Variants in GRIP2 observed in about 807,000 individuals in gnomAD.
GRIP2 encodes glutamate receptor-interacting protein 2.
A neutral mutation model predicts 108.3 loss-of-function variants in GRIP2; 58 were observed. That is an observed-to-expected ratio of 0.54 (90% CI 0.43 to 0.67). The LOEUF (loss-of-function observed/expected upper bound fraction) is 0.67, where lower values mean the gene tolerates loss of function less well. GRIP2 is among the 30% of genes least tolerant of loss of function. GRIP2 has a pLI of 0.00. For missense variants in GRIP2, 1,278 were observed against 1,430.6 expected (o/e 0.89, Z 1.72); for synonymous variants, 586 against 598.2 (o/e 0.98, Z 0.30).
chr3:14,509,942 G>A lies in GRIP2; in HGVS notation c.1956C>T (p.Ala652=), dbSNP rs776028978. The A allele has an allele frequency of 1.6e-5, 24 of 1,528,972 alleles. No individual in the cohort carries two copies. Among genetic ancestry groups the A allele is most frequent in the South Asian group, 7.7e-5 (6 of 77,570 alleles). The allele number at this position is 1,528,972 out of a possible 1,614,324, so 94.7% of individuals were successfully genotyped here. ...DNSDELETTG[A]VSYTVELKRY... ...GCTTCAGCTCCACTGTGTAACTGACGGCACCTGTGGTCTCCAGCTCATCTG... is the reference window on the plus strand; with the variant it reads ...GCTTCAGCTCCACTGTGTAACTGACAGCACCTGTGGTCTCCAGCTCATCTG... Residue 652 remains alanine (A), a synonymous_variant, in exon 17 of 24, where the codon GCC becomes GCT. Coordinates refer to ENST00000621039, the MANE Select transcript of GRIP2 (RefSeq NM_001080423.4).
At chr3:14,584,683 G>A in the GRIP2 span, among the ~76,000 whole-genome samples, 10 of 152,248 alleles carry the variant, frequency 6.6e-5, no homozygotes, top group South Asian at 1.0e-3. Context: ...GCCATAACTT[G>A]CCCAGGCTCG....
the GRIP2 span, among the ~76,000 whole-genome samples, chr3:14,578,156 G>A: frequency 6.6e-6 from 1 of 152,338 alleles, no homozygotes; most frequent in East Asian, 1.9e-4. Flanking sequence ...AAGAACTGTG[G>A]TGATCGATAA....
At chr3:14,518,391 A>G (rs1217941178) in intron 9 of GRIP2, among the ~76,000 whole-genome samples, 1 of 152,170 alleles carries the variant, frequency 6.6e-6, no homozygotes, top group Non-Finnish European at 1.5e-5. Context: ...ACTCTCCAGG[A>G]CAGCCTTTGC....
the GRIP2 span, among the ~76,000 whole-genome samples, chr3:14,600,217 A>C: frequency 6.6e-6 from 1 of 152,206 alleles, no homozygotes; most frequent in African/African-American, 2.4e-5. Context: ...CCAACAATGC[A>C]TCAGATCATT....
Position 14,517,146 on chromosome 3 carries a change from G to C in GRIP2, c.1224C>G (p.Thr408=). Residue 408 remains threonine (T), a synonymous_variant, in exon 11 of 24, where the codon ACC becomes ACG. Coordinates refer to ENST00000621039, the MANE Select transcript of GRIP2 (RefSeq NM_001080423.4). The part of the protein sequence containing the change: ...NHAFSCNNPS[T]LPRGSQPMSP... ...TCATGGGCTGGGATCCACGGGGAAG[G>C]GTGCTGGGGTTGTTGCAGGAAAAGG... The C allele has an allele frequency of 6.2e-7, 1 of 1,610,128 alleles. No individual in the cohort carries two copies. The highest frequency in any genetic ancestry group is 1.1e-5 in the South Asian group (1 of 90,494).
chr3:14,530,633 G>T (rs545845362), intron 1 of GRIP2, among the ~76,000 whole-genome samples: 12 of 152,074 alleles, frequency 7.9e-5, no homozygotes, highest in Non-Finnish European at 1.8e-4. Context: ...TACAGAAATT[G>T]GATTGTTTTT....
intron 20 of GRIP2, among the ~76,000 whole-genome samples, chr3:14,504,368 G>A (rs909607197): frequency 6.9e-6 from 1 of 144,620 alleles, no homozygotes; most frequent in Non-Finnish European, 1.5e-5. Flanking sequence ...CTGGAGTGCA[G>A]TGGCATGATC....
chr3:14,511,178 G>C lies in GRIP2; in HGVS notation c.1920C>G (p.Asp640Glu). The change falls in exon 16 of 24, where the codon GAC becomes GAG. Residue 640 changes from aspartate (D) to glutamate (E), a missense_variant. Asp to Glu is a conservative substitution (Grantham distance 45, BLOSUM62 2). Transcript: ENST00000621039. This position sits in a 1 kb window ranked among gnomAD's most constrained non-coding sequence, Gnocchi z 4.1. ...EDLVKLKIRK[D>E]EDNSDELETT... ...TGAGGGCCATACCAGAGTTGTCCTCGTCCTTCCGGATCTTCAGCTTCACCA... is the reference window on the plus strand; with the variant it reads ...TGAGGGCCATACCAGAGTTGTCCTCCTCCTTCCGGATCTTCAGCTTCACCA... 1 of 1,613,920 alleles carries C rather than the reference G, an allele frequency of 6.2e-7. No homozygotes were observed. The highest frequency in any genetic ancestry group is 8.5e-7 in the Non-Finnish European group (1 of 1,179,884).
intron 1 of GRIP2, among the ~76,000 whole-genome samples, chr3:14,538,661 A>G (rs987675401): frequency 6.6e-6 from 1 of 152,214 alleles, no homozygotes; most frequent in Admixed American, 6.5e-5. Context: ...GAGGAGACCT[A>G]GGGTGGAGGC....
rs1163303840 is a variant in GRIP2, at chr3:14,492,050, G to A, written c.*1615C>T. On this transcript the variant is annotated 3_prime_UTR_variant, in exon 24 of 24. Transcript: ENST00000621039. ...AGGCAGGCCTCCAGGAGACAGCGTG[G>A]GCAGGTCCCCAAGGGGGCCTTGGTG... 6.6e-6 allele frequency: 1 copy of A among 152,358 alleles called. No individual in the cohort carries two copies. Among genetic ancestry groups the A allele is most frequent in the East Asian group, 1.9e-4 (1 of 5,196 alleles). 9.4% of individuals were successfully genotyped at this position (152,358 alleles called of 1,614,324 possible).
At chr3:14,594,898 G>T in the GRIP2 span, among the ~76,000 whole-genome samples, 5 of 143,698 alleles carry the variant, frequency 3.5e-5, no homozygotes, top group Non-Finnish European at 7.9e-5. Context: ...ATAATGGTTA[G>T]CTGTTATTAT....
At chr3:14,567,910 C>G in the GRIP2 span, among the ~76,000 whole-genome samples, 1 of 152,160 alleles carries the variant, frequency 6.6e-6, no homozygotes, top group Admixed American at 6.5e-5. Context: ...TCTCTGTGAT[C>G]AAGTCTTCAC....
Position 14,554,859 on chromosome 3 carries a change from T to C in GRIP2, c.55+1041A>G, listed in dbSNP as rs546432871. On this transcript the variant is annotated intron_variant, in intron 1 of 23. Coordinates refer to the GRIP2 transcript ENST00000637182. ...TGGGACCAGCCTTGCAGGGCCACTG[T>C]GAGGAATGAATGAGTGAATGTACTG... 5.9e-5 allele frequency among the ~76,000 whole-genome samples: 9 copies of C among 152,288 alleles called. No homozygotes were observed. In the South Asian group the frequency reaches 1.7e-3, roughly 28 times the overall value.
At chr3:14,587,520 T>C in the GRIP2 span, among the ~76,000 whole-genome samples, 5 of 151,814 alleles carry the variant, frequency 3.3e-5, no homozygotes, top group Non-Finnish European at 7.4e-5. Flanking sequence ...GCACCTGTAG[T>C]CCCAGCTACT....
At chr3:14,496,852 T>C (rs1056989973) in intron 21 of GRIP2, among the ~76,000 whole-genome samples, 1 of 152,184 alleles carries the variant, frequency 6.6e-6, no homozygotes, top group African/African-American at 2.4e-5. Context: ...TACAGTACAA[T>C]GATGCAAGTA....
chr3:14,559,044 A>G (rs1695279946), upstream of GRIP2, among the ~76,000 whole-genome samples: 1 of 152,172 alleles, frequency 6.6e-6, no homozygotes, highest in African/African-American at 2.4e-5. Flanking sequence ...GGAGTGTTTA[A>G]TGGTGTGGGC....
intron 11 of GRIP2, among the ~76,000 whole-genome samples, chr3:14,516,011 T>A (rs1694237981): frequency 6.6e-6 from 1 of 152,124 alleles, no homozygotes; most frequent in South Asian, 2.1e-4. Context: ...TATAATTAAT[T>A]AATAAATTAC....
the GRIP2 span, among the ~76,000 whole-genome samples, chr3:14,595,491 C>A: frequency 6.6e-6 from 1 of 152,204 alleles, no homozygotes; most frequent in Non-Finnish European, 1.5e-5. Flanking sequence ...ATTAGACGCA[C>A]ACAGCATCCC....
intron 11 of GRIP2, among the ~76,000 whole-genome samples, chr3:14,515,986 C>T (rs1279916099): frequency 1.3e-5 from 2 of 151,944 alleles, no homozygotes; most frequent in Non-Finnish European, 2.9e-5. Flanking sequence ...GTACTATGCC[C>T]CATAATTAAT....
Sources: gnomAD v4.1 joint callset for allele counts (sites outside exome capture counted in the v4.1 genomes callset) on GRCh38, gnomAD v4.1.1 for gene constraint, Gnocchi (gnomAD v3.1) non-coding constraint, MANE v1.5 for transcripts, NCBI Gene and HGNC (gene_info 2026-07-23, HGNC 2026-07-21) for gene names.